The following SPTBN1 variants were observed in gnomAD, a reference collection of about 807,000 sequenced individuals.
SPTBN1 encodes the protein spectrin beta, non-erythrocytic 1, also known as spectrin beta chain, non-erythrocytic 1.
SPTBN1 carries 32 observed loss-of-function variants against 266.4 expected under a neutral mutation model. The observed-to-expected ratio is 0.12, with a 90% confidence interval of 0.09 to 0.16. The LOEUF is 0.16. Ranked by LOEUF, SPTBN1 falls within the 10% of genes least tolerant of loss-of-function variation. SPTBN1 has a pLI of 1.00. For missense variants in SPTBN1, 2,296 were observed against 3,067.1 expected, an observed-to-expected ratio of 0.75 and a Z score of 5.94; for synonymous variants, 1,336 against 1,162.2, an observed-to-expected ratio of 1.15 and a Z score of -3.04.
At chr2:54,514,595 G>A (rs1433403035) in intron 1 of SPTBN1, among the ~76,000 whole-genome samples, 3 of 152,228 alleles carry the variant, frequency 2.0e-5, no homozygotes, top group East Asian at 1.9e-4. Context: ...AAGTACACAC[G>A]TTAGTTCTGG....
chr2:54,467,651 C>T lies in SPTBN1; in HGVS notation c.-48+11133C>T, dbSNP rs535356102. ...CCACCCTCCTTGGCCTCCCAAAATT[C>T]TGGGATTACAGGCGTGAGCCACCGC... is the stretch of plus-strand genomic sequence containing the variant. On this transcript the variant is annotated intron_variant, in intron 1 of 35. Transcript: ENST00000356805. 1.3e-3 allele frequency among the ~76,000 whole-genome samples: 193 copies of T among 152,248 alleles called. 1 individual carries two copies. Among genetic ancestry groups the T allele is most frequent in the Non-Finnish European group, 2.2e-3 (153 of 68,012 alleles).
At position 54,629,032 on chromosome 2, in the gene SPTBN1, G is replaced by A. The variant is rs752181604; in HGVS notation, c.1898G>A (p.Arg633His). 1.9e-5 allele frequency: 31 copies of A among 1,613,572 alleles called. No individual in the cohort carries two copies. The highest frequency in any genetic ancestry group is 1.6e-4 in the Middle Eastern group (1 of 6,084). The change falls in exon 14 of 36, where the codon CGT (arginine) becomes CAT (histidine). Residue 633 changes from arginine (R) to histidine (H), a missense_variant. Arg to His is a conservative substitution (Grantham distance 29). This residue lies in a region of SPTBN1 where 434 missense variants were observed against 573.9 expected (regional missense o/e 0.76). Coordinates refer to ENST00000356805, the MANE Select transcript of SPTBN1 (RefSeq NM_003128.3). ...LCQLAAERRA[R>H]LEESRRLWKF... is the part of the protein sequence containing the mutation. ...CAGCTGGCGGCTGAGCGCAGGGCCCGTCTGGAAGAGTCCCGCCGCCTCTGG... is the reference window on the plus strand; with the variant it reads ...CAGCTGGCGGCTGAGCGCAGGGCCCATCTGGAAGAGTCCCGCCGCCTCTGG...
intron 1 of SPTBN1, among the ~76,000 whole-genome samples, chr2:54,480,931 T>C (rs1170194354): frequency 6.6e-6 from 1 of 152,216 alleles, no homozygotes; most frequent in Non-Finnish European, 1.5e-5. Flanking sequence ...TTTAGTAATA[T>C]TAAATAATTT....
At chr2:54,606,607 A>G (rs1477003115) in intron 3 of SPTBN1, among the ~76,000 whole-genome samples, 1 of 152,198 alleles carries the variant, frequency 6.6e-6, no homozygotes, top group Non-Finnish European at 1.5e-5. Context: ...AACCACCTGG[A>G]TGTGAGAAGA....
intron 1 of SPTBN1, among the ~76,000 whole-genome samples, chr2:54,517,628 T>C (rs1344490146): frequency 1.3e-5 from 2 of 151,734 alleles, no homozygotes; most frequent in Non-Finnish European, 2.9e-5. Flanking sequence ...CTGAACTGTA[T>C]ACAGCTCTAT....
rs368891101 is a variant in SPTBN1, at chr2:54,631,040, T to C, written c.2993T>C (p.Leu998Pro). The C allele has an allele frequency of 6.2e-7, 1 of 1,613,804 alleles. No individual in the cohort carries two copies. Among genetic ancestry groups the C allele is most frequent in the African/African-American group, 1.3e-5 (1 of 74,958 alleles). The change falls in exon 16 of 36, where the codon CTG becomes CCG. Residue 998 changes from leucine (L) to proline (P), a missense_variant. Leu to Pro is a moderately conservative substitution (Grantham distance 98, BLOSUM62 -3). Transcript: ENST00000356805. ...LAGVMALQRK[L>P]TGMERDLVAI... is the part of the protein sequence containing the mutation. ...GGCGTCATGGCCCTGCAGCGCAAGCTGACCGGCATGGAGCGGGACTTGGTG... is the reference window on the plus strand; with the variant it reads ...GGCGTCATGGCCCTGCAGCGCAAGCCGACCGGCATGGAGCGGGACTTGGTG...
intron 1 of SPTBN1, among the ~76,000 whole-genome samples, chr2:54,513,920 A>G (rs770922399): frequency 3.9e-5 from 6 of 152,352 alleles, no homozygotes; most frequent in Admixed American, 2.6e-4. Context: ...CTCTAGATCT[A>G]TCTACTTTCA....
intron 30 of SPTBN1, among the ~76,000 whole-genome samples, chr2:54,658,848 A>C (rs540020484): frequency 6.6e-6 from 1 of 152,146 alleles, no homozygotes; most frequent in African/African-American, 2.4e-5. Flanking sequence ...AGGCTCAGGT[A>C]CTTTTCTCCT....
In SPTBN1 at chr2:54,649,325, G is replaced by A. The variant is rs1680118495; in HGVS notation, c.5202+135G>A. ...GGTCTTGGGGTTTAGTTTTAAGGTG[G>A]TGTTTCTTTTATAAGCTGGTGACTC... On this transcript the variant is annotated intron_variant, in intron 25 of 35. Coordinates refer to ENST00000356805, the MANE Select transcript of SPTBN1 (RefSeq NM_003128.3). This position sits in a 1 kb window ranked among gnomAD's most constrained non-coding sequence, Gnocchi z 6.7. The A allele has an allele frequency of 4.6e-6, 5 of 1,095,388 alleles. No homozygotes were observed. The highest frequency in any genetic ancestry group is 6.4e-6 in the Non-Finnish European group (5 of 784,614). 67.9% of individuals were successfully genotyped at this position (1,095,388 alleles called of 1,614,324 possible).
intron 7 of SPTBN1, among the ~76,000 whole-genome samples, chr2:54,618,581 A>G (rs1194265791): frequency 2.0e-5 from 3 of 152,226 alleles, no homozygotes; most frequent in Non-Finnish European, 2.9e-5. Context: ...ACAGGGAGTC[A>G]TTGAAGGTTC....
Position 54,629,362 on chromosome 2 carries a change from C to T in SPTBN1, c.2228C>T (p.Ala743Val). ...ATTCGGAAGAAGCGCCTGGAGGAGG[C>T]CTCCCTGCTGCACCAGTTCCAGGCA... Reference protein sequence around the residue: ...SAIRKKRLEEASLLHQFQADA... With the variant: ...SAIRKKRLEEVSLLHQFQADA... The change falls in exon 14 of 36, where the codon GCC becomes GTC. Residue 743 changes from alanine to valine, a missense_variant. By Grantham distance (64) the Ala-to-Val change is moderately conservative. This residue lies in a region of SPTBN1 where 434 missense variants were observed against 573.9 expected (regional missense o/e 0.76). Transcript: ENST00000356805. 6.2e-7 allele frequency: 1 copy of T among 1,614,056 alleles called. No individual in the cohort carries two copies. Among genetic ancestry groups the T allele is most frequent in the Non-Finnish European group, 8.5e-7 (1 of 1,180,020 alleles).
chr2:54,528,409 C>T (rs1267851330), intron 2 of SPTBN1: 1 of 152,610 alleles, frequency 6.6e-6, no homozygotes, highest in Admixed American at 6.5e-5. Context: ...CATCATTTGT[C>T]TTAACCTTTC....
At chr2:54,654,336 GTTA>G (rs1315062349) in intron 27 of SPTBN1, among the ~76,000 whole-genome samples, 1 of 152,064 alleles carries the variant, frequency 6.6e-6, no homozygotes, top group Non-Finnish European at 1.5e-5. Context: ...GTGTCCTTGG[GTTA>G]TTATTTAATA....
Position 54,628,260 on chromosome 2 carries a change from G to A in SPTBN1, c.1798+10G>A. ...GCAACAGACGGGGAAGGTAAGGATG[G>A]CCCATTCCAAGCATTACCTCCGGGT... On this transcript the variant is annotated intron_variant, in intron 13 of 35. Transcript: ENST00000356805. This position sits in a 1 kb window ranked among gnomAD's most constrained non-coding sequence, Gnocchi z 4.3. 6.2e-7 allele frequency: 1 copy of A among 1,606,688 alleles called. No homozygotes were observed. Among genetic ancestry groups the A allele is most frequent in the Non-Finnish European group, 8.5e-7 (1 of 1,176,760 alleles).
intron 1 of SPTBN1, among the ~76,000 whole-genome samples, chr2:54,490,571 G>T (rs1452218685): frequency 2.6e-5 from 4 of 152,136 alleles, no homozygotes; most frequent in Non-Finnish European, 4.4e-5. Context: ...GAAGTAATTG[G>T]CTATCTTATT....
chr2:54,603,564 G>A (rs1676640117), intron 3 of SPTBN1, among the ~76,000 whole-genome samples: 1 of 152,124 alleles, frequency 6.6e-6, no homozygotes, highest in Non-Finnish European at 1.5e-5. Context: ...CCTTAGGAGT[G>A]GGTCCCAGCT....
intron 17 of SPTBN1, 81 bp downstream of exon 17, chr2:54,632,849 G>A: frequency 6.7e-7 from 1 of 1,484,738 alleles, no homozygotes; most frequent in South Asian, 1.3e-5. Flanking sequence ...AAGCCCTTGG[G>A]AGTTTAGGTA....
intron 2 of SPTBN1, among the ~76,000 whole-genome samples, chr2:54,568,138 TG>T (rs1018359485): frequency 2.6e-5 from 4 of 152,014 alleles, no homozygotes; most frequent in Non-Finnish European, 5.9e-5. Context: ...CCCAGCACTT[TG>T]GGAGGCTGAG....
chr2:54,650,818 A>G (rs544794109), intron 26 of SPTBN1, among the ~76,000 whole-genome samples: 10 of 152,242 alleles, frequency 6.6e-5, no homozygotes, highest in African/African-American at 2.2e-4. Flanking sequence ...CTGTGTTCCA[A>G]TAAATCTTTA....
Sources: gnomAD v4.1 joint callset for allele counts (sites outside exome capture counted in the v4.1 genomes callset) on GRCh38, gnomAD v4.1.1 for gene constraint, gnomAD v4.1.1 regional missense constraint, Gnocchi (gnomAD v3.1) non-coding constraint, MANE v1.5 for transcripts, NCBI Gene and HGNC (gene_info 2026-07-23, HGNC 2026-07-21) for gene names.